Variants in PEAK1 observed in about 807,000 individuals in gnomAD.
PEAK1 encodes inactive tyrosine-protein kinase PEAK1.
Under a neutral mutation model 124.7 loss-of-function variants are expected in PEAK1, and 54 were observed. The observed-to-expected ratio is 0.43, with a 90% CI of 0.35 to 0.54. The LOEUF (loss-of-function observed/expected upper bound fraction) is 0.54. PEAK1 is among the 20% of genes least tolerant of loss of function. PEAK1 has a pLI of 0.01. For missense variants in PEAK1, 2,046 were observed against 2,134.5 expected, an observed-to-expected ratio of 0.96 and a Z score of 0.82; for synonymous variants, 719 against 760.0, an observed-to-expected ratio of 0.95 and a Z score of 0.89.
At chr15:77,264,102 T>C (rs2061588226) in intron 5 of PEAK1, among the ~76,000 whole-genome samples, 1 of 152,136 alleles carries the variant, frequency 6.6e-6, no homozygotes. Flanking sequence ...ATGGGACGTA[T>C]CTCAAAATAA....
chr15:77,168,189 A>G (rs1336676854), intron 7 of PEAK1, among the ~76,000 whole-genome samples: 7 of 151,468 alleles, frequency 4.6e-5, no homozygotes, highest in Admixed American at 4.6e-4. Flanking sequence ...AAGTGCTGGG[A>G]TTTTCATTTT....
chr15:77,163,251 G>C (rs914804775), intron 7 of PEAK1, among the ~76,000 whole-genome samples: 1 of 152,176 alleles, frequency 6.6e-6, no homozygotes, highest in African/African-American at 2.4e-5. Flanking sequence ...GATTTGGTAT[G>C]TCTGACCTAA....
At chr15:77,250,160 T>C (rs534814543) in intron 6 of PEAK1, among the ~76,000 whole-genome samples, 96 of 141,608 alleles carry the variant, frequency 6.8e-4, no homozygotes, top group Middle Eastern at 3.7e-3. Flanking sequence ...TATATACATA[T>C]ATATACATAT....
At chr15:77,361,464 A>G (rs927210505) in intron 2 of PEAK1, among the ~76,000 whole-genome samples, 1 of 152,198 alleles carries the variant, frequency 6.6e-6, no homozygotes, top group Admixed American at 6.5e-5. Flanking sequence ...AATCAAAAAA[A>G]GAATGAAAAA....
chr15:77,240,303 T>G (rs1242007852), intron 6 of PEAK1, among the ~76,000 whole-genome samples: 2 of 152,172 alleles, frequency 1.3e-5, no homozygotes, highest in Admixed American at 1.3e-4. Flanking sequence ...TAGAGAAAAA[T>G]TATTTTCTCT....
chr15:77,126,743 C>T (rs528671841), intron 9 of PEAK1, among the ~76,000 whole-genome samples: 1 of 152,176 alleles, frequency 6.6e-6, no homozygotes, highest in Non-Finnish European at 1.5e-5. Context: ...GTGATATCTT[C>T]AGAACTTGGA....
At chr15:77,189,597 C>T (rs907198630) in intron 6 of PEAK1, among the ~76,000 whole-genome samples, 4 of 152,198 alleles carry the variant, frequency 2.6e-5, no homozygotes, top group African/African-American at 9.7e-5. Context: ...AACAAACAGG[C>T]ATAAACTTAG....
intron 7 of PEAK1, chr15:77,178,575 T>C: frequency 5.4e-6 from 3 of 557,774 alleles, no homozygotes; most frequent in South Asian, 3.3e-5. Flanking sequence ...GTAGGCTACT[T>C]AAGCCAAAGA....
chr15:77,271,312 A>G (rs2062017569), intron 5 of PEAK1, among the ~76,000 whole-genome samples: 2 of 152,326 alleles, frequency 1.3e-5, no homozygotes, highest in Admixed American at 6.5e-5. Flanking sequence ...GAGAAATAGG[A>G]ACACTTTTAC....
chr15:77,178,318 A>G (rs2057011350), intron 7 of PEAK1: 1 of 155,014 alleles, frequency 6.5e-6, no homozygotes, highest in Non-Finnish European at 1.4e-5. Flanking sequence ...AGCAATAAAA[A>G]AACAAATATT....
At chr15:77,147,504 GCAGT>G (rs1484259316) in intron 8 of PEAK1, among the ~76,000 whole-genome samples, 1 of 152,122 alleles carries the variant, frequency 6.6e-6, no homozygotes, top group African/African-American at 2.4e-5. Flanking sequence ...GTCTGATAAA[GCAGT>G]CAGATATGCC....
In PEAK1 at chr15:77,179,359, G is replaced by A. The variant is rs963140392; in HGVS notation, c.2568C>T (p.Ser856=). Residue 856 remains serine (S), a synonymous_variant, in exon 7 of 10, where the codon TCC becomes TCT. Transcript: ENST00000682557. ...CACTTTGGGGGCTAGTCACTAATTT[G>A]GAGGGAGAGGGGGTGACTGGCTTTA... ...PSIKPVTPSP[S]KLVTSPQSEP... 1 of 1,614,054 alleles carries A rather than the reference G, an allele frequency of 6.2e-7. No individual in the cohort carries two copies.
chr15:77,374,958 T>A (rs2068897222), intron 1 of PEAK1, among the ~76,000 whole-genome samples: 1 of 152,176 alleles, frequency 6.6e-6, no homozygotes, highest in Non-Finnish European at 1.5e-5. Flanking sequence ...TTTTTGGTAT[T>A]TGTATTAAAG....
chr15:77,247,869 GA>G (rs1419234487), intron 6 of PEAK1, among the ~76,000 whole-genome samples: 1 of 151,914 alleles, frequency 6.6e-6, no homozygotes, highest in East Asian at 1.9e-4. Context: ...TGCTGGTTTT[GA>G]TTTGCCAATA....
intron 2 of PEAK1, chr15:77,346,512 T>G: frequency 1.0e-6 from 1 of 985,392 alleles, no homozygotes; most frequent in Non-Finnish European, 1.2e-6. Flanking sequence ...ATTGCTTTTA[T>G]GACTAGGATG....
intron 7 of PEAK1, among the ~76,000 whole-genome samples, chr15:77,165,830 G>T (rs1951108555): frequency 6.6e-6 from 1 of 152,158 alleles, no homozygotes; most frequent in Non-Finnish European, 1.5e-5. Context: ...AGGAAACTGA[G>T]ATTGAAAGAA....
In PEAK1 at chr15:77,113,839, T is replaced by C. The variant is rs16968674; in HGVS notation, c.*317A>G. ...GGACACAGCTCACTGGCTGAGTTCA[T>C]ACCAAAGAAGCTGTCCCTTCAAGAA... On this transcript the variant is annotated 3_prime_UTR_variant, in exon 10 of 10. Transcript: ENST00000682557. 2.5e-3 allele frequency: 857 copies of C among 336,462 alleles called. 5 individuals carry two copies. The highest frequency in any genetic ancestry group is 0.016 in the African/African-American group (764 of 48,172). 20.8% of individuals were successfully genotyped at this position (336,462 alleles called of 1,614,324 possible).
chr15:77,368,379 G>A (rs760026919), intron 1 of PEAK1, among the ~76,000 whole-genome samples: 4 of 152,100 alleles, frequency 2.6e-5, no homozygotes, highest in South Asian at 2.1e-4. Context: ...TTAGCAGGGC[G>A]TGATGGCAGG....
chr15:77,374,781 T>A (rs1417902536), intron 1 of PEAK1, among the ~76,000 whole-genome samples: 1 of 152,174 alleles, frequency 6.6e-6, no homozygotes, highest in African/African-American at 2.4e-5. Context: ...AAGAGAAGCT[T>A]ATCTAATTTC....
Sources: allele counts gnomAD v4.1 joint callset (sites outside exome capture counted in the v4.1 genomes callset), GRCh38; gene constraint gnomAD v4.1.1; transcripts MANE v1.5; gene names NCBI Gene and HGNC (gene_info 2026-07-23, HGNC 2026-07-21).